Variants in TNRC6B observed in about 807,000 individuals in gnomAD.
TNRC6B encodes the protein trinucleotide repeat containing adaptor 6B.
TNRC6B carries 52 observed loss-of-function variants against 203.6 expected under a neutral mutation model. The ratio of observed to expected loss-of-function variants is 0.26; its 90% CI spans 0.20 to 0.32. TNRC6B has a LOEUF of 0.32. TNRC6B is among the 10% of genes least tolerant of loss of function. The probability of loss-of-function intolerance (pLI) is 1.00; values close to 1 mark genes in which losing one functional copy is unlikely to be tolerated. For synonymous variants in TNRC6B, 838 were observed against 845.7 expected (o/e 0.99, Z 0.16); for missense variants, 1,923 against 2,286.2 (o/e 0.84, Z 3.24).
intron 1 of TNRC6B, among the ~76,000 whole-genome samples, chr22:40,068,365 T>A (rs1348926384): frequency 6.6e-6 from 1 of 152,184 alleles, no homozygotes; most frequent in Non-Finnish European, 1.5e-5. Context: ...CTGCCCAGGC[T>A]GGAGTGCAGT....
At chr22:40,117,639 C>G (rs1396382805) in intron 2 of TNRC6B, among the ~76,000 whole-genome samples, 1 of 151,962 alleles carries the variant, frequency 6.6e-6, no homozygotes, top group Non-Finnish European at 1.5e-5. Context: ...TTTCTTTTCC[C>G]TAGATATATA....
At chr22:40,120,720 A>G (rs1009529872) in intron 2 of TNRC6B, among the ~76,000 whole-genome samples, 6 of 152,238 alleles carry the variant, frequency 3.9e-5, no homozygotes, top group African/African-American at 1.4e-4. Context: ...ACAGAGACTT[A>G]GCACAAAGGA....
At chr22:40,286,509 A>G (rs1315817806) in intron 12 of TNRC6B, among the ~76,000 whole-genome samples, 2 of 152,130 alleles carry the variant, frequency 1.3e-5, no homozygotes, top group Non-Finnish European at 2.9e-5. Flanking sequence ...TCCATTTCAA[A>G]AAAAAAAATA....
Position 40,273,576 on chromosome 22 carries a change from A to C in TNRC6B, c.3117A>C (p.Gly1039=). The change falls in exon 7 of 23, where the codon GGA becomes GGC. Residue 1039 remains glycine, a synonymous_variant. Coordinates refer to ENST00000454349, the MANE Select transcript of TNRC6B (RefSeq NM_001162501.2). Reference sequence around the variant, plus strand: ...CCTCCCACAACTCAGCAAGCTGGGGACAAGGAGGAAAGAAACAAATGAAGG... The same window carrying C: ...CCTCCCACAACTCAGCAAGCTGGGGCCAAGGAGGAAAGAAACAAATGAAGG... ...SASSHNSASW[G]QGGKKQMKCS... is the part of the protein sequence containing the mutation. 6.3e-7 allele frequency: 1 copy of C among 1,582,456 alleles called. No individual in the cohort carries two copies. Among genetic ancestry groups the C allele is most frequent in the Non-Finnish European group, 8.6e-7 (1 of 1,164,100 alleles).
chr22:40,186,370 G>A (rs747187742), intron 1 of TNRC6B, among the ~76,000 whole-genome samples: 2 of 151,988 alleles, frequency 1.3e-5, no homozygotes, highest in Non-Finnish European at 2.9e-5. Context: ...GGAATCATTC[G>A]ATGGCGCCAG....
intron 13 of TNRC6B, 61 bp downstream of exon 13, chr22:40,300,647 C>G (rs778050710): frequency 2.8e-5 from 43 of 1,548,722 alleles, no homozygotes; most frequent in Non-Finnish European, 3.7e-5. Flanking sequence ...TTTTCTTTAG[C>G]TTTGATTTGC....
chr22:40,308,347 G>A (rs1043449497), intron 15 of TNRC6B, among the ~76,000 whole-genome samples, 165 bp from the exon 16 acceptor site: 5 of 152,184 alleles, frequency 3.3e-5, no homozygotes, highest in South Asian at 4.1e-4. Context: ...CTTATTTAGC[G>A]AGCAAGAGCC....
intron 1 of TNRC6B, among the ~76,000 whole-genome samples, chr22:40,212,386 A>T (rs1385358745): frequency 6.6e-6 from 1 of 152,182 alleles, no homozygotes; most frequent in Non-Finnish European, 1.5e-5. Flanking sequence ...TAACCATTTC[A>T]TTCTTAGCCT....
chr22:40,095,319 A>G (rs1316990759), intron 1 of TNRC6B, among the ~76,000 whole-genome samples: 2 of 139,604 alleles, frequency 1.4e-5, no homozygotes, highest in African/African-American at 3.3e-5. Flanking sequence ...TTAATATCTC[A>G]AATTCCTTTG....
At chr22:40,218,848 C>G (rs916406686) in intron 1 of TNRC6B, among the ~76,000 whole-genome samples, 1 of 152,166 alleles carries the variant, frequency 6.6e-6, no homozygotes, top group African/African-American at 2.4e-5. Context: ...AAAGTTGAGG[C>G]CACGTGAATG....
At chr22:40,170,958 TACAC>T (rs1395268270) in intron 4 of TNRC6B, among the ~76,000 whole-genome samples, 1 of 147,104 alleles carries the variant, frequency 6.8e-6, no homozygotes, top group African/African-American at 2.5e-5. Context: ...GGTGTATATA[TACAC>T]ACATATACCT....
At chr22:40,294,184 C>T (rs2146538863) in intron 12 of TNRC6B, among the ~76,000 whole-genome samples, 1 of 152,106 alleles carries the variant, frequency 6.6e-6, no homozygotes, top group East Asian at 1.9e-4. Flanking sequence ...GCCCAAGAAG[C>T]CGAAACTGCA....
intron 3 of TNRC6B, among the ~76,000 whole-genome samples, chr22:40,138,439 T>C (rs140280824): frequency 2.6e-5 from 4 of 152,312 alleles, no homozygotes; most frequent in African/African-American, 9.6e-5. Flanking sequence ...CTAGTTTTTG[T>C]ATTTTTAGTA....
At chr22:40,216,832 A>G (rs1037876260) in intron 1 of TNRC6B, among the ~76,000 whole-genome samples, 2 of 152,184 alleles carry the variant, frequency 1.3e-5, no homozygotes, top group Non-Finnish European at 2.9e-5. Flanking sequence ...GAAAACGTAC[A>G]TACTCAGTTG....
intron 2 of TNRC6B, among the ~76,000 whole-genome samples, chr22:40,248,495 G>A (rs891527142): frequency 3.3e-5 from 5 of 152,164 alleles, no homozygotes; most frequent in African/African-American, 1.2e-4. Context: ...ATACATAACA[G>A]TGTTTTCTTA....
chr22:40,106,636 C>A (rs1185741789), intron 1 of TNRC6B: 2 of 734,252 alleles, frequency 2.7e-6, no homozygotes, highest in African/African-American at 1.7e-5. Flanking sequence ...GATTTGGGTA[C>A]CCCCAAGCAA....
chr22:40,266,398 A>G lies in TNRC6B; in HGVS notation c.2168A>G (p.Asn723Ser). The G allele has an allele frequency of 6.2e-7, 1 of 1,613,904 alleles. No homozygotes were observed. The highest frequency in any genetic ancestry group is 8.5e-7 in the Non-Finnish European group (1 of 1,179,846). ...GATGAAAAGACACCTTCCTCTTGGA[A>G]TGAGAATCCCAGCAAGGATCAGGGG... Reference protein sequence around the residue: ...RPDEKTPSSWNENPSKDQGWG... With the variant: ...RPDEKTPSSWSENPSKDQGWG... Residue 723 changes from asparagine (N) to serine (S), a missense_variant, in exon 5 of 23, where the codon AAT becomes AGT. Asn to Ser is a conservative substitution (Grantham distance 46). Coordinates refer to ENST00000454349, the MANE Select transcript of TNRC6B (RefSeq NM_001162501.2).
intron 3 of TNRC6B, among the ~76,000 whole-genome samples, chr22:40,151,265 T>C (rs2068750312): frequency 6.6e-6 from 1 of 151,752 alleles, no homozygotes; most frequent in East Asian, 2.0e-4. Context: ...AGTGAGACTC[T>C]GTCTCAAAAA....
intron 4 of TNRC6B, among the ~76,000 whole-genome samples, chr22:40,165,686 C>T (rs2068913049): frequency 6.6e-6 from 1 of 152,160 alleles, no homozygotes; most frequent in Non-Finnish European, 1.5e-5. Context: ...GAACTTACAA[C>T]CATGGCGTAA....
Sources: gnomAD v4.1 joint callset for allele counts (sites outside exome capture counted in the v4.1 genomes callset) on GRCh38, gnomAD v4.1.1 for gene constraint, MANE v1.5 for transcripts, NCBI Gene and HGNC (gene_info 2026-07-23, HGNC 2026-07-21) for gene names.